Variants in GNAL observed in about 807,000 individuals in gnomAD.
The protein encoded by GNAL is guanine nucleotide-binding protein G(olf) subunit alpha.
GNAL carries 18 observed loss-of-function variants against 55.1 expected under a neutral mutation model. The observed-to-expected ratio is 0.33, with a 90% CI of 0.23 to 0.48. The LOEUF (loss-of-function observed/expected upper bound fraction) is 0.48, where lower values mean the gene tolerates loss of function less well. Ranked by LOEUF, GNAL falls within the 20% of genes least tolerant of loss-of-function variation. The probability of loss-of-function intolerance (pLI) is 0.99; values close to 1 mark genes in which losing one functional copy is unlikely to be tolerated. For missense variants in GNAL, 412 were observed against 614.1 expected (o/e 0.67, Z 3.48); for synonymous variants, 253 against 237.0 (o/e 1.07, Z -0.62).
At chr18:11,769,120 T>C (rs186341349) in intron 4 of GNAL, among the ~76,000 whole-genome samples, 13,575 of 105,882 alleles carry the variant, frequency 0.13, 1,966 homozygotes, top group East Asian at 0.28. Flanking sequence ...ATTATATAAA[T>C]TATATGTAAT....
At chr18:11,698,693 T>G (rs1374474552) in intron 1 of GNAL, among the ~76,000 whole-genome samples, 1 of 150,622 alleles carries the variant, frequency 6.6e-6, no homozygotes, top group Non-Finnish European at 1.5e-5. Context: ...AGGAAACAGC[T>G]GGGGTGATGA....
In GNAL at chr18:11,717,454, C is replaced by T. The variant is rs188832952; in HGVS notation, c.376+27515C>T. 3.8e-3 allele frequency among the ~76,000 whole-genome samples: 579 copies of T among 152,306 alleles called. 1 individual carries two copies. The highest frequency in any genetic ancestry group is 0.013 in the African/African-American group (533 of 41,552). The stretch of plus-strand genomic sequence containing the variant: ...GTGAGGGCTGTGAGGGCTGCCAGCA[C>T]GCTGTCACCTCTCACTACCATAAAG... On this transcript the variant is annotated intron_variant, in intron 1 of 11. Coordinates refer to ENST00000334049, the MANE Select transcript of GNAL (RefSeq NM_182978.4).
chr18:11,786,513 G>GA (rs2034066021), intron 4 of GNAL, among the ~76,000 whole-genome samples: 1 of 119,002 alleles, frequency 8.4e-6, no homozygotes, highest in Non-Finnish European at 1.6e-5. Flanking sequence ...CAGTGGCGCT[G>GA]TCTCAGCTCA....
At chr18:11,703,277 A>G (rs1005069415) in intron 1 of GNAL, among the ~76,000 whole-genome samples, 4 of 152,260 alleles carry the variant, frequency 2.6e-5, no homozygotes, top group African/African-American at 9.6e-5. Context: ...CGTTGTGCAT[A>G]GTTTTATCGA....
intron 1 of GNAL, among the ~76,000 whole-genome samples, chr18:11,727,860 T>C (rs189944093): frequency 6.6e-6 from 1 of 152,162 alleles, no homozygotes; most frequent in East Asian, 1.9e-4. Flanking sequence ...ACCTATGGAG[T>C]GTGGGCTATG....
chr18:11,856,309 G>A (rs1279416047), intron 5 of GNAL, among the ~76,000 whole-genome samples: 1 of 151,334 alleles, frequency 6.6e-6, no homozygotes, highest in East Asian at 1.9e-4. Context: ...AGGGAGCCCG[G>A]GCCAGGCAAT....
intron 4 of GNAL, among the ~76,000 whole-genome samples, chr18:11,756,603 C>T (rs948941459): frequency 2.0e-5 from 3 of 151,842 alleles, no homozygotes; most frequent in Admixed American, 2.0e-4. Flanking sequence ...GTTAAATATG[C>T]AACATTCCTT....
intron 5 of GNAL, among the ~76,000 whole-genome samples, chr18:11,842,144 GTA>G (rs534815093): frequency 4.0e-4 from 60 of 151,512 alleles, no homozygotes; most frequent in Non-Finnish European, 6.6e-4. Context: ...AGTTAATTTT[GTA>G]TATGTTTTTT....
chr18:11,877,008 C>G (rs1176883436), intron 11 of GNAL, among the ~76,000 whole-genome samples: 1 of 152,212 alleles, frequency 6.6e-6, no homozygotes, highest in African/African-American at 2.4e-5. Context: ...AGAGTCTAAG[C>G]ACCCATACTC....
intron 10 of GNAL, chr18:11,874,417 T>C (rs2143902462): frequency 6.6e-6 from 1 of 150,636 alleles, no homozygotes; most frequent in East Asian, 2.0e-4. Flanking sequence ...ACCATGTGAA[T>C]GCATTTGTGT....
chr18:11,816,857 C>G (rs1441736669), intron 4 of GNAL, among the ~76,000 whole-genome samples: 1 of 148,092 alleles, frequency 6.8e-6, no homozygotes, highest in Non-Finnish European at 1.5e-5. Context: ...ATGTACGTAA[C>G]AAAATGGATG....
intron 1 of GNAL, among the ~76,000 whole-genome samples, chr18:11,731,096 G>T (rs113148524): frequency 1.1e-4 from 16 of 152,318 alleles, no homozygotes; most frequent in African/African-American, 3.1e-4. Context: ...AAAGAATGGG[G>T]TATGAGGTGT....
intron 1 of GNAL, among the ~76,000 whole-genome samples, chr18:11,744,344 T>C (rs916103040): frequency 3.3e-5 from 5 of 152,212 alleles, no homozygotes; most frequent in Non-Finnish European, 5.9e-5. Flanking sequence ...TGATCACAGA[T>C]TATTATGTAC....
intron 5 of GNAL, among the ~76,000 whole-genome samples, chr18:11,840,773 C>T (rs1444863697): frequency 6.6e-6 from 1 of 152,148 alleles, no homozygotes; most frequent in Admixed American, 6.6e-5. Flanking sequence ...AGAGGAAGCA[C>T]CCGGAGGCCT....
chr18:11,877,107 T>C (rs2036549444), intron 11 of GNAL, among the ~76,000 whole-genome samples: 2 of 152,224 alleles, frequency 1.3e-5, no homozygotes. Flanking sequence ...TTCTTCAGCT[T>C]TTTGAGATTA....
intron 5 of GNAL, among the ~76,000 whole-genome samples, chr18:11,843,684 C>G (rs555459148): frequency 6.6e-6 from 1 of 151,760 alleles, no homozygotes; most frequent in African/African-American, 2.4e-5. Flanking sequence ...CTAACAAAAT[C>G]GTTATGTCAC....
At chr18:11,757,778 A>G (rs758834326) in intron 4 of GNAL, among the ~76,000 whole-genome samples, 5 of 152,138 alleles carry the variant, frequency 3.3e-5, no homozygotes, top group Non-Finnish European at 7.4e-5. Context: ...AGGCCCCAGG[A>G]GGAGCCATTG....
chr18:11,709,003 A>G (rs1324832571), intron 1 of GNAL, among the ~76,000 whole-genome samples: 2 of 152,170 alleles, frequency 1.3e-5, no homozygotes, highest in Admixed American at 1.3e-4. Flanking sequence ...TAAAGTTCCA[A>G]TTTCATTCTT....
intron 1 of GNAL, among the ~76,000 whole-genome samples, chr18:11,744,007 A>G (rs1056378356): frequency 6.6e-5 from 10 of 152,132 alleles, no homozygotes; most frequent in African/African-American, 2.4e-4. Context: ...TTTGTGGGAT[A>G]CGCTTTTGTT....
Sources: gnomAD v4.1 joint callset for allele counts (sites outside exome capture counted in the v4.1 genomes callset) on GRCh38, gnomAD v4.1.1 for gene constraint, MANE v1.5 for transcripts, NCBI Gene and HGNC (gene_info 2026-07-23, HGNC 2026-07-21) for gene names.